Variants in EFCAB14 observed in about 807,000 individuals in gnomAD.
EFCAB14 encodes the protein EF-hand calcium binding domain 14.
Under a neutral mutation model 56.5 loss-of-function variants are expected in EFCAB14, and 43 were observed. That is an observed-to-expected ratio of 0.76 (90% CI 0.60 to 0.98). EFCAB14 has a LOEUF of 0.98. Among genes scored for constraint, EFCAB14 ranks in the 50% least tolerant of loss-of-function variants. The probability of loss-of-function intolerance (pLI) is 0.00; values close to 1 mark genes in which losing one functional copy is unlikely to be tolerated. For missense variants in EFCAB14, 538 were observed against 580.3 expected, an observed-to-expected ratio of 0.93 and a Z score of 0.75; for synonymous variants, 235 against 212.9, an observed-to-expected ratio of 1.10 and a Z score of -0.90.
chr1:46,696,064 A>C (rs1299247743), intron 4 of EFCAB14, among the ~76,000 whole-genome samples: 1 of 150,222 alleles, frequency 6.7e-6, no homozygotes, highest in Non-Finnish European at 1.5e-5. Context: ...CCTTGCCAAC[A>C]CTTGTTTCCT....
chr1:46,702,867 C>T (rs756479386), intron 3 of EFCAB14, among the ~76,000 whole-genome samples: 10 of 152,196 alleles, frequency 6.6e-5, no homozygotes, highest in Non-Finnish European at 1.3e-4. Context: ...CTTCTTGATA[C>T]GGCTCTTGCT....
chr1:46,714,769 GC>G (rs1677361985), intron 2 of EFCAB14, among the ~76,000 whole-genome samples: 4 of 149,970 alleles, frequency 2.7e-5, no homozygotes. Flanking sequence ...CTGCACTCCA[GC>G]TTGGGTGACA....
At chr1:46,716,668 T>G (rs1677400631) in intron 1 of EFCAB14, among the ~76,000 whole-genome samples, 1 of 152,168 alleles carries the variant, frequency 6.6e-6, no homozygotes, top group South Asian at 2.1e-4. Context: ...CAGAAGGAGT[T>G]CCTGCAGGTA....
At chr1:46,708,724 T>C (rs954758387) in intron 2 of EFCAB14, among the ~76,000 whole-genome samples, 68 of 152,240 alleles carry the variant, frequency 4.5e-4, no homozygotes, top group Non-Finnish European at 7.2e-4. Context: ...ACCCCAAAAC[T>C]CAAAATGAAA....
chr1:46,700,986 A>AGTGTGTGTGTGTGTGT (rs3991763), intron 3 of EFCAB14, among the ~76,000 whole-genome samples: 71 of 142,936 alleles, frequency 5.0e-4, no homozygotes, highest in Admixed American at 2.3e-3. Flanking sequence ...AGAGTGAGTG[A>AGTGTGTGTGTGTGTGT]GTGTGTGTGT....
In EFCAB14 at chr1:46,718,108, G is replaced by GC. The variant is rs1677426630; in HGVS notation, c.-22_-21insG. On this transcript the variant is annotated 5_prime_UTR_variant, in exon 1 of 11. Transcript: ENST00000371933. ...TTCATCTTTTTGTGTGGGGTGAGTG[G>GC]AGCCCCGACTCCTGAGCTGCCAGGT... 1.2e-6 allele frequency: 2 copies of GC among 1,610,190 alleles called. No homozygotes were observed. Among genetic ancestry groups the GC allele is most frequent in the Non-Finnish European group, 1.7e-6 (2 of 1,177,352 alleles).
Position 46,683,355 on chromosome 1 carries a change from A to T in EFCAB14, c.1257T>A (p.Val419=), listed in dbSNP as rs1203432120. The T allele has an allele frequency of 6.2e-7, 1 of 1,614,056 alleles. No individual in the cohort carries two copies. The highest frequency in any genetic ancestry group is 1.1e-5 in the South Asian group (1 of 91,080). Residue 419 remains valine (V), a synonymous_variant, in exon 10 of 11, where the codon GTT becomes GTA. Transcript: ENST00000371933. ...TAGGTCTTAGTTGGGCAGCTTTCTC[A>T]ACTGGGTCTCCAAGAAACTGTGAAA... ...PKFSQFLGDP[V]EKAAQLRPIS...
chr1:46,703,542 G>A (rs926449007), intron 3 of EFCAB14, among the ~76,000 whole-genome samples: 2 of 152,148 alleles, frequency 1.3e-5, no homozygotes, highest in Non-Finnish European at 2.9e-5. Flanking sequence ...CATAACTCAT[G>A]CCTGAAAGAA....
At chr1:46,694,251 T>G (rs574299910) in intron 4 of EFCAB14, among the ~76,000 whole-genome samples, 76 of 152,190 alleles carry the variant, frequency 5.0e-4, no homozygotes, top group African/African-American at 1.8e-3. Context: ...ACTAAAGAGC[T>G]TCTGCACAGC....
rs142339521 is a variant in EFCAB14, at chr1:46,688,459, C to T, written c.881G>A (p.Gly294Glu). Residue 294 changes from glycine to glutamate, a missense_variant, in exon 7 of 11, where the codon GGA becomes GAA. Physicochemically the swap from Gly to Glu is moderately conservative, Grantham distance 98. Transcript: ENST00000371933. ...YQRQNDLKLE[G>E]MNETVSNLTQ... ...AAGATTACTGACTGTCTCGTTCATT[C>T]CCTCGAGTTTAAGATCATTCTGTCT... The T allele has an allele frequency of 4.9e-4, 794 of 1,613,948 alleles. 1 individual carries two copies. Among genetic ancestry groups the T allele is most frequent in the Non-Finnish European group, 3.4e-4 (402 of 1,179,886 alleles).
chr1:46,688,035 C>T (rs1676915266), intron 7 of EFCAB14, among the ~76,000 whole-genome samples: 1 of 152,140 alleles, frequency 6.6e-6, no homozygotes, highest in Admixed American at 6.5e-5. Flanking sequence ...GAAATACGTG[C>T]CAGCACTTCC....
intron 8 of EFCAB14, 119 bp from the exon 9 acceptor site, chr1:46,684,721 A>G: frequency 1.4e-6 from 1 of 704,576 alleles, no homozygotes; most frequent in South Asian, 1.7e-5. Context: ...GTTCCCTATA[A>G]AGACAATAAA....
At position 46,678,022 on chromosome 1, in the gene EFCAB14, AAACAG is replaced by A. The variant is rs1456729765; in HGVS notation, c.*434_*438del. 1.3e-5 allele frequency: 2 copies of A among 154,728 alleles called. No individual in the cohort carries two copies. Among genetic ancestry groups the A allele is most frequent in the African/African-American group, 2.4e-5 (1 of 41,476 alleles). 9.6% of individuals were successfully genotyped at this position (154,728 alleles called of 1,614,324 possible). A position where few individuals can be genotyped will look rare whatever the true frequency, so the allele number is the denominator to read the frequency against. ...TGCTTTCTTTCATTTAAATATTTAC[AAACAG>A]AAAAGGCCTATCTTTTAAAGAAAAG... On this transcript the variant is annotated 3_prime_UTR_variant, in exon 11 of 11. Coordinates refer to ENST00000371933, the MANE Select transcript of EFCAB14 (RefSeq NM_014774.3).
At chr1:46,694,463 C>A (rs1348958305) in intron 4 of EFCAB14, among the ~76,000 whole-genome samples, 13 of 152,270 alleles carry the variant, frequency 8.5e-5, no homozygotes, top group African/African-American at 2.2e-4. Context: ...ATGCAGCCAA[C>A]AGACACATGA....
intron 4 of EFCAB14, 147 bp downstream of exon 4, chr1:46,696,404 G>A (rs370750530): frequency 2.2e-5 from 17 of 766,522 alleles, no homozygotes; most frequent in African/African-American, 1.8e-5. Flanking sequence ...AGGACACAGT[G>A]ATACACTCCA....
At chr1:46,692,091 C>T in intron 4 of EFCAB14, 154 bp from the exon 5 acceptor site, 9 of 536,072 alleles carry the variant, frequency 1.7e-5, no homozygotes, top group Non-Finnish European at 2.9e-5. Context: ...CACTCATCAC[C>T]TCTGAAAGTT....
chr1:46,678,541 G>C lies in EFCAB14; in HGVS notation c.1408C>G (p.Pro470Ala). Residue 470 changes from proline to alanine, a missense_variant, in exon 11 of 11, where the codon CCA becomes GCA. Transcript: ENST00000371933. Reference protein sequence around the residue: ...WTSLGSAMPEPESLRAFDSDG... With the variant: ...WTSLGSAMPEAESLRAFDSDG... ...GAATCAAATGCTCTCAAGCTCTCTG[G>C]TTCTGGCATAGCAGAACCTAGGGAG... 6.2e-7 allele frequency: 1 copy of C among 1,614,084 alleles called. No individual in the cohort carries two copies. Among genetic ancestry groups the C allele is most frequent in the Non-Finnish European group, 8.5e-7 (1 of 1,180,024 alleles).
intron 3 of EFCAB14, among the ~76,000 whole-genome samples, chr1:46,700,162 TG>T (rs1677134617): frequency 6.6e-6 from 1 of 152,238 alleles, no homozygotes. Context: ...AAATGACTGT[TG>T]TTTTAGGCCA....
At chr1:46,708,872 T>C (rs1184419661) in intron 2 of EFCAB14, among the ~76,000 whole-genome samples, 2 of 151,900 alleles carry the variant, frequency 1.3e-5, no homozygotes, top group African/African-American at 4.8e-5. Context: ...CTTCTTTCTT[T>C]AAAGAGCATT....
Sources: gnomAD v4.1 joint callset for allele counts (sites outside exome capture counted in the v4.1 genomes callset) on GRCh38, gnomAD v4.1.1 for gene constraint, MANE v1.5 for transcripts, NCBI Gene and HGNC (gene_info 2026-07-23, HGNC 2026-07-21) for gene names.